A1BG: variants seen among roughly 807,000 people sequenced by gnomAD.
The protein encoded by A1BG is alpha-1B-glycoprotein.
A neutral mutation model predicts 46.0 loss-of-function variants in A1BG; 44 were observed. That is an observed-to-expected ratio of 0.96 (90% CI 0.75 to 1.23). The LOEUF is 1.23. A1BG is among the 50% of genes most tolerant of loss of function. The probability of loss-of-function intolerance (pLI) is 0.00; values close to 1 mark genes in which losing one functional copy is unlikely to be tolerated. For synonymous variants in A1BG, 316 were observed against 314.7 expected (o/e 1.00, Z -0.04); for missense variants, 707 against 688.8 (o/e 1.03, Z -0.30).
intron 5 of A1BG, 81 bp from the exon 6 acceptor site, chr19:58,350,732 C>G (rs1415184681): frequency 9.3e-6 from 12 of 1,296,670 alleles, no homozygotes; most frequent in African/African-American, 3.1e-5. Context: ...GCGCTCTTTG[C>G]CTTGGCTGAG....
At chr19:58,351,874 C>A (rs1035045192) in intron 4 of A1BG, 187 bp from the exon 5 acceptor site, 1 of 717,868 alleles carries the variant, frequency 1.4e-6, no homozygotes, top group Non-Finnish European at 2.2e-6. Context: ...CAGCTCACTG[C>A]AAGCTCTGCC....
At chr19:58,351,766 G>A (rs1000277711) in intron 4 of A1BG, 79 bp from the exon 5 acceptor site, 5 of 1,416,692 alleles carry the variant, frequency 3.5e-6, no homozygotes, top group Non-Finnish European at 3.8e-6. Flanking sequence ...CTGCCCTCCG[G>A]GTGGCAATCC....
At chr19:58,352,729 T>C (rs1206178666) in intron 3 of A1BG, 174 bp from the exon 4 acceptor site, 7 of 1,150,650 alleles carry the variant, frequency 6.1e-6, no homozygotes, top group Admixed American at 4.9e-5. Flanking sequence ...AGAAAAAGAG[T>C]GTGTGGGAGC....
In A1BG at chr19:58,352,935, T is replaced by C. The variant is rs767509103; in HGVS notation, c.333A>G (p.Thr111=). 2.2e-5 allele frequency: 36 copies of C among 1,612,176 alleles called. No homozygotes were observed. In the South Asian group the frequency reaches 4.0e-4, roughly 18 times the overall value. The change falls in exon 3 of 8, where the codon ACA becomes ACG. Residue 111 remains threonine, a synonymous_variant. Transcript: ENST00000263100. ...ATTCATGCCCCGGCTCACTTGGCCC[T>C]GTCAGCTCCAGGAGCTTGCTCAGCT... The part of the protein sequence containing the change: ...WTQLSKLLEL[T]GPKSLPAPWL...
At position 58,352,530 on chromosome 19, in the gene A1BG, C is replaced by G. The variant is rs147168349; in HGVS notation, c.366G>C (p.Ser122=). 20 of 1,610,410 alleles carry G rather than the reference C, an allele frequency of 1.2e-5. No individual in the cohort carries two copies. The highest frequency in any genetic ancestry group is 1.7e-5 in the Non-Finnish European group (20 of 1,179,972). Residue 122 remains serine, a synonymous_variant, in exon 4 of 8, where the codon TCG becomes TCC. Transcript: ENST00000263100. ...GPKSLPAPWL[S]MAPVSWITPG... ...GGGTGATCCAGGACACTGGCGCCAT[C>G]GAGAGCCAGGGAGCAGGCAAGGACT...
intron 6 of A1BG, chr19:58,348,341 C>G (rs573086468): frequency 6.6e-6 from 1 of 152,242 alleles, no homozygotes; most frequent in Admixed American, 6.5e-5. Context: ...GACAGAGTGA[C>G]ACTCCGTCTC....
chr19:58,347,299 C>T (rs2051919924), intron 7 of A1BG, 54 bp downstream of exon 7: 2 of 1,604,296 alleles, frequency 1.2e-6, no homozygotes, highest in African/African-American at 1.3e-5. Flanking sequence ...GTGGGCACAG[C>T]CCAGGCAAAC....
chr19:58,347,407 C>T lies in A1BG; in HGVS notation c.1426G>A (p.Val476Met). 6.2e-7 allele frequency: 1 copy of T among 1,611,794 alleles called. No homozygotes were observed. Among genetic ancestry groups the T allele is most frequent in the Non-Finnish European group, 8.5e-7 (1 of 1,179,540 alleles). The change falls in exon 7 of 8, where the codon GTG (valine) becomes ATG (methionine). Residue 476 changes from valine (V) to methionine (M), a missense_variant. Coordinates refer to ENST00000263100, the MANE Select transcript of A1BG (RefSeq NM_130786.4). ...AGCTCCGATTCGAAGGTGTGGGGCA[C>T]CCAGGAGCGGTAGCGGCACCTGTAG... ...GNYRCRYRSW[V>M]PHTFESELSD...
At chr19:58,347,277 G>T in intron 7 of A1BG, 76 bp downstream of exon 7, 2 of 1,583,594 alleles carry the variant, frequency 1.3e-6, no homozygotes, top group Non-Finnish European at 1.7e-6. Context: ...GCCGGGAGAG[G>T]CCCTCCTGGA....
rs1600501034 is a variant in A1BG at position 58,345,364 on chromosome 19, T to C, written c.*1658A>G. The C allele has an allele frequency of 6.6e-6, 1 of 151,996 alleles. No homozygotes were observed. Among genetic ancestry groups the C allele is most frequent in the African/African-American group, 2.4e-5 (1 of 41,378 alleles). The allele number at this position is 151,996 out of a possible 1,614,324, so 9.4% of individuals were successfully genotyped here. A position where few individuals can be genotyped will look rare whatever the true frequency, so the allele number is the denominator to read the frequency against. On this transcript the variant is annotated 3_prime_UTR_variant, in exon 8 of 8. Transcript: ENST00000263100. ...CTATTAGAATGGCTAAAATAAACTT[T>C]TTAAAAAACTAAGCTGGGGCTGGGC...
rs141343506 is a variant in A1BG, at chr19:58,347,387, C to G, written c.1446G>C (p.Ser482=). 9.7e-5 allele frequency: 157 copies of G among 1,612,192 alleles called. No individual in the cohort carries two copies. In the African/African-American group the frequency reaches 1.8e-3, roughly 18 times the overall value. ...GGAGCTCCACAGGGTCGCTGAGCTC[C>G]GATTCGAAGGTGTGGGGCACCCAGG... ...YRSWVPHTFE[S]ELSDPVELLV... The change falls in exon 7 of 8, where the codon TCG becomes TCC. Residue 482 remains serine, a synonymous_variant. Transcript: ENST00000263100.
chr19:58,352,334 C>T lies in A1BG; in HGVS notation c.562G>A (p.Gly188Arg). 6.2e-7 allele frequency: 1 copy of T among 1,614,048 alleles called. No individual in the cohort carries two copies. Among genetic ancestry groups the T allele is most frequent in the Non-Finnish European group, 8.5e-7 (1 of 1,180,024 alleles). The change falls in exon 4 of 8, where the codon GGG becomes AGG. Residue 188 changes from glycine to arginine, a missense_variant. Transcript: ENST00000263100. ...GNYSCSYRTD[G>R]EGALSEPSAT... ...CTGGGCTCAGAGAGGGCGCCTTCCCCATCGGTCCGGTAGCTGCAGCTGTAG... is the reference window on the plus strand; with the variant it reads ...CTGGGCTCAGAGAGGGCGCCTTCCCTATCGGTCCGGTAGCTGCAGCTGTAG...
intron 7 of A1BG, 52 bp from the exon 8 acceptor site, chr19:58,347,081 T>A: frequency 6.2e-7 from 1 of 1,605,848 alleles, no homozygotes; most frequent in Non-Finnish European, 8.5e-7. Flanking sequence ...TCCTATGCCC[T>A]CCTCCTCGCG....
intron 6 of A1BG, 108 bp downstream of exon 6, chr19:58,350,262 C>T: frequency 7.3e-7 from 1 of 1,372,082 alleles, no homozygotes; most frequent in Non-Finnish European, 9.6e-7. Context: ...GGGGCTGAAC[C>T]AAGGCCCAGA....
At chr19:58,351,016 C>G (rs1320571533) in intron 5 of A1BG, 1 of 424,286 alleles carries the variant, frequency 2.4e-6, no homozygotes, top group African/African-American at 2.0e-5. Flanking sequence ...CCCTGTGGTC[C>G]GCTGGGCATG....
intron 6 of A1BG, 87 bp from the exon 7 acceptor site, chr19:58,347,727 C>CGCGCCT (rs547975899): frequency 6.1e-6 from 5 of 818,544 alleles, no homozygotes; most frequent in Admixed American, 4.4e-5. Flanking sequence ...AGGCCGCGCC[C>CGCGCCT]GCGCCTGCGC....
In A1BG at chr19:58,350,585, A is replaced by G; in HGVS notation, c.977T>C (p.Leu326Pro). 6.6e-7 allele frequency: 1 copy of G among 1,509,716 alleles called. No individual in the cohort carries two copies. Among genetic ancestry groups the G allele is most frequent in the South Asian group, 1.3e-5 (1 of 79,238 alleles). The allele number at this position is 1,509,716 out of a possible 1,614,324, so 93.5% of individuals were successfully genotyped here. Reference protein sequence around the residue: ...ESGRALRLRCLAPLEGARFAL... With the variant: ...ESGRALRLRCPAPLEGARFAL... Reference sequence around the variant, plus strand: ...GAAGCGCGCGCCCTCCAGGGGCGCCAGGCACCGCAGCCGCAAGGCCCTGCC... The same window carrying G: ...GAAGCGCGCGCCCTCCAGGGGCGCCGGGCACCGCAGCCGCAAGGCCCTGCC... Residue 326 changes from leucine to proline, a missense_variant, in exon 6 of 8, where the codon CTG becomes CCG. Transcript: ENST00000263100.
At position 58,351,417 on chromosome 19, in the gene A1BG, G is replaced by A. The variant is rs149231769; in HGVS notation, c.884C>T (p.Ala295Val). The change falls in exon 5 of 8, where the codon GCG becomes GTG. Residue 295 changes from alanine (A) to valine (V), a missense_variant. Transcript: ENST00000263100. ...ATCGCTCAGAATCAGCTCGACCGGC[G>A]CGCTGTCCCCGGACCAGCCGTTTTG... ...DNQNGWSGDSAPVELILSDET... is the reference protein window; with the variant it reads ...DNQNGWSGDSVPVELILSDET... 153 of 1,612,354 alleles carry A rather than the reference G, an allele frequency of 9.5e-5. No individual in the cohort carries two copies. The African/African-American group carries it at 1.6e-3, about 17-fold the overall frequency.
At position 58,346,519 on chromosome 19, in the gene A1BG, T is replaced by C. The variant is rs534344307; in HGVS notation, c.*503A>G. 1.5e-4 allele frequency: 31 copies of C among 209,092 alleles called. No homozygotes were observed. The highest frequency in any genetic ancestry group is 2.3e-4 in the Non-Finnish European group (24 of 103,902). The allele number at this position is 209,092 out of a possible 1,614,324, so 13.0% of individuals were successfully genotyped here. On this transcript the variant is annotated 3_prime_UTR_variant, in exon 8 of 8. Coordinates refer to ENST00000263100, the MANE Select transcript of A1BG (RefSeq NM_130786.4). ...TGGGAGGATCACTTAAGGCCAGGAG[T>C]TCAAGACAAGCTTGGGCAACACAGT...
Sources: allele counts gnomAD v4.1 joint callset, GRCh38; gene constraint gnomAD v4.1.1; transcripts MANE v1.5; gene names NCBI Gene and HGNC (gene_info 2026-07-23, HGNC 2026-07-21).